The following SYCP1 variants were observed in gnomAD, a reference collection of about 807,000 sequenced individuals.
SYCP1 encodes the protein cancer/testis antigen 8.
In SYCP1, 64 loss-of-function variants were observed where a neutral mutation model predicts 153.1. The ratio of observed to expected loss-of-function variants is 0.42; its 90% CI spans 0.34 to 0.51. SYCP1 has a LOEUF of 0.51. Among genes scored for constraint, SYCP1 ranks in the 20% least tolerant of loss-of-function variants. SYCP1 has a pLI of 0.06. For synonymous variants in SYCP1, 384 were observed against 341.8 expected (o/e 1.12, Z -1.36); for missense variants, 997 against 1,049.0 (o/e 0.95, Z 0.68).
chr1:114,980,207 A>G (rs769324188), intron 28 of SYCP1, among the ~76,000 whole-genome samples: 1 of 151,902 alleles, frequency 6.6e-6, no homozygotes, highest in Non-Finnish European at 1.5e-5. Flanking sequence ...CAATTTCCTT[A>G]TGAATAATTG....
chr1:114,976,734 A>C (rs1672815754), intron 27 of SYCP1, among the ~76,000 whole-genome samples: 1 of 151,824 alleles, frequency 6.6e-6, no homozygotes, highest in Non-Finnish European at 1.5e-5. Flanking sequence ...AAGAACAGTA[A>C]ATACTATTGC....
chr1:114,945,844 A>C (rs1670672576), intron 25 of SYCP1, among the ~76,000 whole-genome samples: 1 of 152,106 alleles, frequency 6.6e-6, no homozygotes, highest in South Asian at 2.1e-4. Flanking sequence ...GGTTTGTCAC[A>C]TATGTATACA....
intron 15 of SYCP1, among the ~76,000 whole-genome samples, chr1:114,892,407 G>C (rs1666774403): frequency 6.6e-6 from 1 of 152,114 alleles, no homozygotes; most frequent in African/African-American, 2.4e-5. Flanking sequence ...GGCCTCTGAG[G>C]AGTGTGCGCT....
At chr1:114,896,880 G>C (rs1436419084) in intron 16 of SYCP1, among the ~76,000 whole-genome samples, 1 of 152,188 alleles carries the variant, frequency 6.6e-6, no homozygotes, top group Non-Finnish European at 1.5e-5. Flanking sequence ...GTGTAAGGCA[G>C]GCTTTATTTG....
chr1:114,857,156 A>AAAAAAAAAAAAAAAAAAAAAAAAAAAC, intron 3 of SYCP1, 76 bp from the exon 4 acceptor site: 1 of 919,342 alleles, frequency 1.1e-6, no homozygotes, highest in Non-Finnish European at 1.5e-6. Context: ...AAAAAAAAAA[A>AAAAAAAAAAAAAAAAAAAAAAAAAAAC]AGAGAAAAAA....
chr1:114,857,454 C>T lies in SYCP1; in HGVS notation c.248C>T (p.Ser83Phe), dbSNP rs1264761524. 6.3e-7 allele frequency: 1 copy of T among 1,598,502 alleles called. No homozygotes were observed. The change falls in exon 5 of 32, where the codon TCT (serine) becomes TTT (phenylalanine). Residue 83 changes from serine (S) to phenylalanine (F), a missense_variant. Coordinates refer to ENST00000369522, the MANE Select transcript of SYCP1 (RefSeq NM_003176.4). ...CATCTATCTTTTTAGGTTGGTAATT[C>T]TGACTGTCACTATCAGGAAGGACTA... is the stretch of plus-strand genomic sequence containing the variant. ...FLPVLEQVGN[S>F]DCHYQEGLKD...
At chr1:114,915,305 T>C (rs144490379) in intron 20 of SYCP1, among the ~76,000 whole-genome samples, 9,270 of 152,230 alleles carry the variant, frequency 0.061, 321 homozygotes, top group Middle Eastern at 0.14. Flanking sequence ...ATAAGACAAG[T>C]ACTAGACAGA....
intron 3 of SYCP1, 132 bp from the exon 4 acceptor site, chr1:114,857,100 T>C (rs1664019997): frequency 3.0e-6 from 2 of 660,382 alleles, no homozygotes; most frequent in Non-Finnish European, 4.5e-6. Context: ...CACTGCCCTC[T>C]AGTCTAGGCA....
At chr1:114,972,588 T>A (rs1672566250) in intron 27 of SYCP1, among the ~76,000 whole-genome samples, 1 of 152,106 alleles carries the variant, frequency 6.6e-6, no homozygotes, top group African/African-American at 2.4e-5. Flanking sequence ...ATCCTTTAGA[T>A]TTTGTTGTTG....
chr1:114,905,425 G>C (rs1205291177), intron 16 of SYCP1, among the ~76,000 whole-genome samples: 18 of 152,290 alleles, frequency 1.2e-4, no homozygotes. Context: ...TAGAGGAGGG[G>C]TACATGTGCT....
At chr1:114,994,202 T>G (rs1674116247) in intron 30 of SYCP1, among the ~76,000 whole-genome samples, 1 of 151,442 alleles carries the variant, frequency 6.6e-6, no homozygotes, top group Non-Finnish European at 1.5e-5. Flanking sequence ...AATTATCTCT[T>G]CAAGACTCTG....
chr1:114,868,849 T>C (rs1189930386), intron 8 of SYCP1, among the ~76,000 whole-genome samples: 1 of 152,346 alleles, frequency 6.6e-6, no homozygotes, highest in Non-Finnish European at 1.5e-5. Flanking sequence ...TTGTTCATAA[T>C]ATTTCTTCAT....
At chr1:114,933,491 T>C (rs538874322) in intron 23 of SYCP1, among the ~76,000 whole-genome samples, 2 of 152,312 alleles carry the variant, frequency 1.3e-5, no homozygotes, top group South Asian at 4.1e-4. Context: ...AGAGTGCCTC[T>C]TCTCCTCCAA....
At chr1:114,856,224 C>G (rs1281285816) in intron 2 of SYCP1, among the ~76,000 whole-genome samples, 1 of 152,114 alleles carries the variant, frequency 6.6e-6, no homozygotes, top group Non-Finnish European at 1.5e-5. Flanking sequence ...AAATGCTATT[C>G]AATAAAGACA....
intron 28 of SYCP1, among the ~76,000 whole-genome samples, chr1:114,979,564 T>C (rs1673020379): frequency 6.6e-6 from 1 of 151,786 alleles, no homozygotes; most frequent in African/African-American, 2.4e-5. Context: ...AGCAGTTACA[T>C]TTTGGCGGTT....
chr1:114,857,871 T>A (rs1223328426), intron 5 of SYCP1, among the ~76,000 whole-genome samples: 1 of 152,094 alleles, frequency 6.6e-6, no homozygotes, highest in Admixed American at 6.5e-5. Flanking sequence ...TAAAAATATT[T>A]CTTATTTATG....
chr1:114,872,126 G>T (rs1385097228), intron 8 of SYCP1, among the ~76,000 whole-genome samples: 1 of 151,214 alleles, frequency 6.6e-6, no homozygotes, highest in Non-Finnish European at 1.5e-5. Context: ...ACAGGTGTGA[G>T]CCACTGAGAC....
chr1:114,857,380 T>G, intron 4 of SYCP1, 64 bp from the exon 5 acceptor site: 1 of 1,527,612 alleles, frequency 6.5e-7, no homozygotes. Flanking sequence ...CTTCTGTATT[T>G]AATTGTTATT....
chr1:114,932,782 G>A (rs754315351), intron 23 of SYCP1, among the ~76,000 whole-genome samples: 9 of 152,220 alleles, frequency 5.9e-5, no homozygotes, highest in Middle Eastern at 3.2e-3. Flanking sequence ...AGGGTCCCAC[G>A]CCCAAGGAGC....
Sources: allele counts gnomAD v4.1 joint callset (sites outside exome capture counted in the v4.1 genomes callset), GRCh38; gene constraint gnomAD v4.1.1; transcripts MANE v1.5; gene names NCBI Gene and HGNC (gene_info 2026-07-23, HGNC 2026-07-21).